Variants in MYT1L observed in about 807,000 individuals in gnomAD.
MYT1L encodes myelin transcription factor 1-like protein.
MYT1L carries 12 observed loss-of-function variants against 126.7 expected under a neutral mutation model. The ratio of observed to expected loss-of-function variants is 0.09; its 90% CI spans 0.06 to 0.15. The LOEUF is 0.15. Ranked by LOEUF, MYT1L falls within the 10% of genes least tolerant of loss-of-function variation. MYT1L has a pLI of 1.00. For synonymous variants in MYT1L, 541 were observed against 604.2 expected (o/e 0.90, Z 1.53); for missense variants, 979 against 1,585.2 (o/e 0.62, Z 6.49).
At chr2:2,057,412 T>C (rs978817154) in intron 3 of MYT1L, among the ~76,000 whole-genome samples, 1 of 151,662 alleles carries the variant, frequency 6.6e-6, no homozygotes. Context: ...ACCCTTTTCC[T>C]GTTCAGAGCC....
At chr2:1,838,702 T>C (rs1290580772) in intron 21 of MYT1L, among the ~76,000 whole-genome samples, 6 of 152,234 alleles carry the variant, frequency 3.9e-5, no homozygotes, top group South Asian at 4.2e-4. Flanking sequence ...ATGAATGAGG[T>C]TGATGGGGTT....
chr2:2,276,752 C>T (rs2095365388), intron 2 of MYT1L, among the ~76,000 whole-genome samples: 1 of 152,036 alleles, frequency 6.6e-6, no homozygotes, highest in South Asian at 2.1e-4. Context: ...CAAGACTGTC[C>T]TCTCCATTTC....
At chr2:1,826,608 T>C (rs1222117363) in intron 21 of MYT1L, among the ~76,000 whole-genome samples, 2 of 151,984 alleles carry the variant, frequency 1.3e-5, no homozygotes, top group Non-Finnish European at 2.9e-5. Context: ...CACTAAAAGA[T>C]GGAGATTAAA....
At chr2:2,186,605 A>G (rs1357929141) in intron 2 of MYT1L, among the ~76,000 whole-genome samples, 2 of 152,196 alleles carry the variant, frequency 1.3e-5, no homozygotes, top group East Asian at 1.9e-4. Context: ...CACGTTCTGC[A>G]GACCCGTCAA....
At chr2:2,162,426 C>G (rs1306416069) in intron 3 of MYT1L, among the ~76,000 whole-genome samples, 1 of 152,096 alleles carries the variant, frequency 6.6e-6, no homozygotes, top group African/African-American at 2.4e-5. Flanking sequence ...GCAGGTGGTG[C>G]TCGTGGTCCA....
intron 21 of MYT1L, among the ~76,000 whole-genome samples, chr2:1,817,422 A>T (rs1171772547): frequency 6.6e-6 from 1 of 152,072 alleles, no homozygotes; most frequent in Admixed American, 6.5e-5. Flanking sequence ...GCTTCTCTTC[A>T]CTCTCAGTTA....
intron 2 of MYT1L, among the ~76,000 whole-genome samples, chr2:2,191,793 T>C (rs960223590): frequency 3.9e-5 from 6 of 152,236 alleles, no homozygotes; most frequent in Admixed American, 6.5e-5. Context: ...TTACCATTTC[T>C]CATCCTTTTA....
chr2:1,954,251 C>T (rs10191295), intron 8 of MYT1L, among the ~76,000 whole-genome samples: 11,909 of 152,210 alleles, frequency 0.078, 560 homozygotes, highest in South Asian at 0.11. Flanking sequence ...AGAAAACATA[C>T]GGCAAACGCG....
chr2:2,243,627 A>T (rs1253873280), intron 2 of MYT1L, among the ~76,000 whole-genome samples: 1 of 152,192 alleles, frequency 6.6e-6, no homozygotes, highest in Non-Finnish European at 1.5e-5. Context: ...GCAGAAAAGT[A>T]GCTGGGAAGC....
intron 3 of MYT1L, among the ~76,000 whole-genome samples, chr2:2,088,014 C>A (rs564544067): frequency 6.6e-6 from 1 of 152,226 alleles, no homozygotes; most frequent in Non-Finnish European, 1.5e-5. Context: ...GAGTGTAAAT[C>A]TCTAACTTGC....
intron 3 of MYT1L, among the ~76,000 whole-genome samples, chr2:2,159,881 A>G (rs2148413134): frequency 6.6e-6 from 1 of 152,104 alleles, no homozygotes; most frequent in African/African-American, 2.4e-5. Flanking sequence ...CCTTACCCTC[A>G]TAAACACTCA....
At position 2,000,733 on chromosome 2, in the gene MYT1L, A is replaced by AT. The variant is rs201859458; in HGVS notation, c.-157-3387dup. On this transcript the variant is annotated intron_variant, in intron 4 of 24. Transcript: ENST00000647738. The stretch of plus-strand genomic sequence containing the variant: ...AGTTTGTGGACACAGAGCCCCAGGC[A>AT]TTTTTTTTCAGAATGGGGACCTCCA... Among the ~76,000 whole-genome samples the AT allele has an allele frequency of 8.7e-3, 1,317 of 151,992 alleles. 16 individuals are homozygous for AT. Among genetic ancestry groups the AT allele is most frequent in the Admixed American group, 0.028 (422 of 15,254 alleles).
intron 1 of MYT1L, among the ~76,000 whole-genome samples, chr2:2,287,488 C>A (rs1407597035): frequency 6.6e-6 from 1 of 152,048 alleles, no homozygotes; most frequent in Non-Finnish European, 1.5e-5. Context: ...AGAAAATCAG[C>A]TAGCATGAGT....
intron 3 of MYT1L, among the ~76,000 whole-genome samples, chr2:2,137,133 G>A (rs1304069836): frequency 1.3e-5 from 2 of 152,084 alleles, no homozygotes; most frequent in Non-Finnish European, 2.9e-5. Flanking sequence ...ACCTTACAAG[G>A]GACGTGAAGG....
At chr2:2,266,675 G>A (rs1372196184) in intron 2 of MYT1L, among the ~76,000 whole-genome samples, 5 of 152,148 alleles carry the variant, frequency 3.3e-5, no homozygotes, top group Admixed American at 6.5e-5. Context: ...ATCTTGAATT[G>A]TAGCTCCCAT....
intron 9 of MYT1L, among the ~76,000 whole-genome samples, chr2:1,934,031 G>A (rs1199369757): frequency 6.9e-6 from 1 of 144,334 alleles, no homozygotes; most frequent in Non-Finnish European, 1.5e-5. Flanking sequence ...CTGGAGTGCA[G>A]TGGTGCGATC....
At chr2:2,089,415 A>G (rs1240256343) in intron 3 of MYT1L, among the ~76,000 whole-genome samples, 2 of 152,174 alleles carry the variant, frequency 1.3e-5, no homozygotes, top group Non-Finnish European at 2.9e-5. Flanking sequence ...GCCTCAGGAG[A>G]TCCATCTCTC....
At position 1,801,994 on chromosome 2, in the gene MYT1L, G is replaced by T. The variant is rs1468848720; in HGVS notation, c.3173-195C>A. 3.9e-6 allele frequency: 2 copies of T among 507,148 alleles called. No individual in the cohort carries two copies. The highest frequency in any genetic ancestry group is 6.9e-6 in the Non-Finnish European group (2 of 289,518). The allele number at this position is 507,148 out of a possible 1,614,324, so 31.4% of individuals were successfully genotyped here. A position where few individuals can be genotyped will look rare whatever the true frequency, so the allele number is the denominator to read the frequency against. On this transcript the variant is annotated intron_variant, in intron 22 of 24. Coordinates refer to ENST00000647738, the MANE Select transcript of MYT1L (RefSeq NM_001303052.2). This position sits in a 1 kb window ranked among gnomAD's most constrained non-coding sequence, Gnocchi z 4.2. The stretch of plus-strand genomic sequence containing the variant: ...CTACCACCGCCCCTTCCCCACCTAA[G>T]TTCCCCTACAAAAAGGAACAAACAA...
chr2:2,283,083 C>T (rs1195888805), intron 2 of MYT1L, among the ~76,000 whole-genome samples: 1 of 151,972 alleles, frequency 6.6e-6, no homozygotes, highest in Non-Finnish European at 1.5e-5. Flanking sequence ...CCCCCCAACA[C>T]AAAAAGTAGT....
Sources: allele counts gnomAD v4.1 joint callset (sites outside exome capture counted in the v4.1 genomes callset), GRCh38; gene constraint gnomAD v4.1.1; non-coding constraint Gnocchi (gnomAD v3.1); transcripts MANE v1.5; gene names NCBI Gene and HGNC (gene_info 2026-07-23, HGNC 2026-07-21).